The following BMS1 variants were observed in gnomAD, a reference collection of about 807,000 sequenced individuals.
BMS1 encodes BMS1 ribosome biogenesis factor.
In BMS1, 53 loss-of-function variants were observed where a neutral mutation model predicts 138.7. The observed-to-expected ratio is 0.38, with a 90% CI of 0.31 to 0.48. BMS1 has a LOEUF of 0.48. Ranked by LOEUF, BMS1 falls within the 20% of genes least tolerant of loss-of-function variation. BMS1 has a pLI of 0.97. For missense variants in BMS1, 1,360 were observed against 1,565.5 expected, an observed-to-expected ratio of 0.87 and a Z score of 2.22; for synonymous variants, 504 against 539.9, an observed-to-expected ratio of 0.93 and a Z score of 0.92.
chr10:42,787,142 T>C (rs918462638), intron 3 of BMS1, 26 bp from the exon 4 acceptor site: 7 of 807,052 alleles, frequency 8.7e-6, no homozygotes, highest in African/African-American at 1.7e-5. Context: ...CTTTTTAAAG[T>C]AAAATTTTCA....
intron 6 of BMS1, among the ~76,000 whole-genome samples, chr10:42,792,079 G>A (rs1841522814): frequency 6.6e-6 from 1 of 152,120 alleles, no homozygotes. Flanking sequence ...AGTCCTTCGT[G>A]TGTGCCTTCT....
At position 42,833,117 on chromosome 10, in the gene BMS1, T is replaced by C. The variant is rs1422603491; in HGVS notation, c.*2021T>C. 6.6e-6 allele frequency: 1 copy of C among 152,230 alleles called. No homozygotes were observed. Among genetic ancestry groups the C allele is most frequent in the East Asian group, 1.9e-4 (1 of 5,198 alleles). 9.4% of individuals were successfully genotyped at this position (152,230 alleles called of 1,614,324 possible). ...TTTAGCAATGGGGGAAATAAAAGAA[T>C]GTTTAATTACAGTTGCAGATAATTG... On this transcript the variant is annotated 3_prime_UTR_variant, in exon 23 of 23. Coordinates refer to ENST00000374518, the MANE Select transcript of BMS1 (RefSeq NM_014753.4).
rs780200897 is a variant in BMS1 at position 42,796,946 on chromosome 10, C to G, written c.1702C>G (p.Leu568Val). The G allele has an allele frequency of 2.1e-5, 34 of 1,614,076 alleles. No homozygotes were observed. The East Asian group carries it at 7.4e-4, about 35-fold the overall frequency. ...CCGTGTGAATCTGGAGAAGTCTTTG[C>G]TGATGAAGAAAGCAGCTCTCCCCAC... is the stretch of plus-strand genomic sequence containing the variant. ...SDRVNLEKSLLMKKAALPTFD... is the reference protein window; with the variant it reads ...SDRVNLEKSLVMKKAALPTFD... The change falls in exon 10 of 23, where the codon CTG becomes GTG. Residue 568 changes from leucine to valine, a missense_variant. Physicochemically the swap from Leu to Val is conservative, Grantham distance 32. This residue lies in a region of BMS1 where 697 missense variants were observed against 686.2 expected (regional missense o/e 1.02). Coordinates refer to ENST00000374518, the MANE Select transcript of BMS1 (RefSeq NM_014753.4).
At chr10:42,825,531 C>T (rs932345398) in intron 21 of BMS1, among the ~76,000 whole-genome samples, 1 of 151,968 alleles carries the variant, frequency 6.6e-6, no homozygotes, top group Non-Finnish European at 1.5e-5. Context: ...AAGTTTATTC[C>T]TAAGTTTTTG....
intron 4 of BMS1, among the ~76,000 whole-genome samples, chr10:42,787,824 A>G (rs551332383): frequency 6.6e-6 from 1 of 152,328 alleles, no homozygotes; most frequent in Non-Finnish European, 1.5e-5. Context: ...CAGTTTATCA[A>G]TAAAAAGTCT....
chr10:42,816,376 G>A (rs1842350733), intron 13 of BMS1, among the ~76,000 whole-genome samples: 1 of 152,198 alleles, frequency 6.6e-6, no homozygotes, highest in Non-Finnish European at 1.5e-5. Flanking sequence ...GATGTGAAGT[G>A]CGGAAATGTG....
intron 15 of BMS1, 49 bp downstream of exon 15, chr10:42,817,543 C>G: frequency 1.3e-6 from 2 of 1,535,318 alleles, no homozygotes. Flanking sequence ...TATCATATAG[C>G]GCAGGAATCC....
chr10:42,808,921 TTAA>T (rs1247582720), intron 13 of BMS1, among the ~76,000 whole-genome samples: 1 of 152,184 alleles, frequency 6.6e-6, no homozygotes, highest in African/African-American at 2.4e-5. Flanking sequence ...ATAGTGAGTG[TTAA>T]TGTTGAGTAG....
In BMS1 at chr10:42,830,320, G is replaced by T; in HGVS notation, c.3516G>T (p.Lys1172Asn). The T allele has an allele frequency of 6.2e-7, 1 of 1,614,030 alleles. No homozygotes were observed. Among genetic ancestry groups the T allele is most frequent in the Non-Finnish European group, 8.5e-7 (1 of 1,180,022 alleles). ...NSLHIPKALQKALPFKNKPKT... is the reference protein window; with the variant it reads ...NSLHIPKALQNALPFKNKPKT... ...TGCACATTCCAAAAGCCTTGCAGAA[G>T]GCCCTGCCATTTAAGAACAAGCCCA... Residue 1172 changes from lysine (K) to asparagine (N), a missense_variant, in exon 22 of 23, where the codon AAG becomes AAT. Lys to Asn is a moderately conservative substitution (Grantham distance 94, BLOSUM62 0). Coordinates refer to ENST00000374518, the MANE Select transcript of BMS1 (RefSeq NM_014753.4).
chr10:42,802,283 T>C lies in BMS1; in HGVS notation c.2329+65T>C, dbSNP rs73254217. On this transcript the variant is annotated intron_variant, in intron 13 of 22. Coordinates refer to ENST00000374518, the MANE Select transcript of BMS1 (RefSeq NM_014753.4). Reference sequence around the variant, plus strand: ...CTAAACTTTATTTTCTTCAGTATCTTAGACAATAGTCAAATTGAAAATAAT... The same window carrying C: ...CTAAACTTTATTTTCTTCAGTATCTCAGACAATAGTCAAATTGAAAATAAT... 7.6e-4 allele frequency: 1,068 copies of C among 1,403,708 alleles called. 9 individuals carry two copies. The African/African-American group carries it at 0.013, about 18-fold the overall frequency. 87.0% of individuals were successfully genotyped at this position (1,403,708 alleles called of 1,614,324 possible).
chr10:42,794,034 C>G, intron 9 of BMS1, 43 bp downstream of exon 9: 2 of 1,592,202 alleles, frequency 1.3e-6, no homozygotes, highest in Non-Finnish European at 1.7e-6. Context: ...AGATGTATTA[C>G]AAAAGATCAT....
chr10:42,785,664 TTG>T lies in BMS1; in HGVS notation c.363_364del (p.Ser122ArgfsTer2), dbSNP rs1841305950. On this transcript the variant is annotated frameshift_variant, in exon 3 of 23. Coordinates refer to ENST00000374518, the MANE Select transcript of BMS1 (RefSeq NM_014753.4). LOFTEE classifies it high-confidence loss of function. ...ACTGAGATCAGAGGCCCTGTGACGA[TTG>T]TGTCAGGTAGGAGATGCCACCACAG... 6.2e-7 allele frequency: 1 copy of T among 1,613,366 alleles called. No individual in the cohort carries two copies. The highest frequency in any genetic ancestry group is 1.3e-5 in the African/African-American group (1 of 74,882).
intron 7 of BMS1, 149 bp from the exon 8 acceptor site, chr10:42,792,808 G>C: frequency 7.9e-7 from 1 of 1,258,808 alleles, no homozygotes; most frequent in Non-Finnish European, 1.1e-6. Flanking sequence ...CTTGTAGCTA[G>C]GGGGCCACTG....
rs200008126 is a variant in BMS1 at position 42,797,120 on chromosome 10, G to C, written c.1876G>C (p.Gly626Arg). 1.9e-6 allele frequency: 3 copies of C among 1,614,196 alleles called. No individual in the cohort carries two copies. Among genetic ancestry groups the C allele is most frequent in the South Asian group, 2.2e-5 (2 of 91,080 alleles). ...TTCAAAGCCTTCTCAAGTGAGCAGT[G>C]GTCAGAAACTGGGGCCACAGAACTT... is the stretch of plus-strand genomic sequence containing the variant. ...KLSKPSQVSSGQKLGPQNFID... is the reference protein window; with the variant it reads ...KLSKPSQVSSRQKLGPQNFID... The change falls in exon 10 of 23, where the codon GGT becomes CGT. Residue 626 changes from glycine (G) to arginine (R), a missense_variant. Coordinates refer to ENST00000374518, the MANE Select transcript of BMS1 (RefSeq NM_014753.4).
chr10:42,802,186 A>G lies in BMS1; in HGVS notation c.2297A>G (p.Asp766Gly). 6.2e-7 allele frequency: 1 copy of G among 1,613,696 alleles called. No individual in the cohort carries two copies. The highest frequency in any genetic ancestry group is 8.5e-7 in the Non-Finnish European group (1 of 1,179,762). Reference sequence around the variant, plus strand: ...TTCGTGACTGGAAAGTGGGAAGATGATAAAGATGCAGCCAAGGTCTTAGCA... The same window carrying G: ...TTCGTGACTGGAAAGTGGGAAGATGGTAAAGATGCAGCCAAGGTCTTAGCA... ...DCFVTGKWED[D>G]KDAAKVLAED... The change falls in exon 13 of 23, where the codon GAT becomes GGT. Residue 766 changes from aspartate to glycine, a missense_variant. Transcript: ENST00000374518.
intron 13 of BMS1, among the ~76,000 whole-genome samples, chr10:42,804,372 G>A (rs1003694122): frequency 3.9e-5 from 6 of 152,096 alleles, no homozygotes; most frequent in Non-Finnish European, 5.9e-5. Context: ...GCAACTTCCG[G>A]TTGCTTCACT....
rs145596198 is a variant in BMS1, at chr10:42,796,530, G to A, written c.1286G>A (p.Arg429Gln). The change falls in exon 10 of 23, where the codon CGG (arginine) becomes CAG (glutamine). Residue 429 changes from arginine (R) to glutamine (Q), a missense_variant. Transcript: ENST00000374518. Reference sequence around the variant, plus strand: ...GACTTGAACACTGGTCGAATGCGTCGGAAAGCCATTTTCGGAGATGAAGAT... The same window carrying A: ...GACTTGAACACTGGTCGAATGCGTCAGAAAGCCATTTTCGGAGATGAAGAT... ...QMDLNTGRMR[R>Q]KAIFGDEDES... 70 of 1,614,010 alleles carry A rather than the reference G, an allele frequency of 4.3e-5. No individual in the cohort carries two copies. The highest frequency in any genetic ancestry group is 8.9e-5 in the East Asian group (4 of 44,894).
intron 13 of BMS1, among the ~76,000 whole-genome samples, chr10:42,809,553 G>A (rs182209946): frequency 2.2e-4 from 34 of 152,230 alleles, no homozygotes; most frequent in African/African-American, 7.2e-4. Flanking sequence ...GAGCGACCAT[G>A]CCTGGCCTTC....
intron 13 of BMS1, among the ~76,000 whole-genome samples, chr10:42,814,962 A>C (rs895069371): frequency 2.6e-5 from 4 of 152,090 alleles, no homozygotes; most frequent in African/African-American, 9.7e-5. Context: ...TTCCTATTGG[A>C]TGAGGTCCAG....
Sources: allele counts gnomAD v4.1 joint callset (sites outside exome capture counted in the v4.1 genomes callset), GRCh38; gene constraint gnomAD v4.1.1; regional missense constraint gnomAD v4.1.1; transcripts MANE v1.5; gene names NCBI Gene and HGNC (gene_info 2026-07-23, HGNC 2026-07-21).